Variants in ABCD3 observed in about 807,000 individuals in gnomAD.
ABCD3 encodes ATP binding cassette subfamily D member 3.
A neutral mutation model predicts 105.5 loss-of-function variants in ABCD3; 41 were observed. That is an observed-to-expected ratio of 0.39 (90% CI 0.30 to 0.50). The LOEUF (loss-of-function observed/expected upper bound fraction) is 0.50. Ranked by LOEUF, ABCD3 falls within the 20% of genes least tolerant of loss-of-function variation. The pLI is 0.84. For missense variants in ABCD3, 622 were observed against 806.3 expected, an observed-to-expected ratio of 0.77 and a Z score of 2.77; for synonymous variants, 258 against 269.0, an observed-to-expected ratio of 0.96 and a Z score of 0.40.
At chr1:94,479,873 C>T (rs565629811) in intron 8 of ABCD3, among the ~76,000 whole-genome samples, 46 of 151,998 alleles carry the variant, frequency 3.0e-4, no homozygotes, top group African/African-American at 1.1e-3. Context: ...GATGAGGTCA[C>T]GTACAAAGTT....
chr1:94,390,312 T>C, the ABCD3 span, among the ~76,000 whole-genome samples: 1 of 152,138 alleles, frequency 6.6e-6, no homozygotes, highest in Non-Finnish European at 1.5e-5. Flanking sequence ...TTTATTTATT[T>C]ATTTTTGTGA....
chr1:94,489,985 G>A lies in ABCD3; in HGVS notation c.1322+10G>A. On this transcript the variant is annotated intron_variant, in intron 15 of 22. Coordinates refer to ENST00000370214, the MANE Select transcript of ABCD3 (RefSeq NM_002858.4). ...CAGATAACATTATAAAGTACGTACA[G>A]AAAAAGGTCTTTTAGCACCATAAAT... is the stretch of plus-strand genomic sequence containing the variant. 6.2e-7 allele frequency: 1 copy of A among 1,610,622 alleles called. No individual in the cohort carries two copies. The highest frequency in any genetic ancestry group is 8.5e-7 in the Non-Finnish European group (1 of 1,177,148).
In ABCD3 at chr1:94,431,883, C is replaced by T. The variant is rs528611833; in HGVS notation, c.110+13295C>T. On this transcript the variant is annotated intron_variant, in intron 1 of 22. Transcript: ENST00000370214. ...TTAAGATATTTTCAACTGTAGGACT[C>T]GTGACTTTTTACCCCATCAACAGTG... is the stretch of plus-strand genomic sequence containing the variant. Among the ~76,000 whole-genome samples, 10 of 152,156 alleles carry T rather than the reference C, an allele frequency of 6.6e-5. No individual in the cohort carries two copies. In the East Asian group the frequency reaches 1.2e-3, roughly 18 times the overall value.
the ABCD3 span, among the ~76,000 whole-genome samples, chr1:94,405,924 G>C: frequency 1.3e-5 from 2 of 150,268 alleles, no homozygotes; most frequent in Non-Finnish European, 3.0e-5. Flanking sequence ...CCAAAGTTTA[G>C]AAATTTTTAA....
At chr1:94,385,547 T>C in the ABCD3 span, among the ~76,000 whole-genome samples, 1 of 152,200 alleles carries the variant, frequency 6.6e-6, no homozygotes. Flanking sequence ...ACCCCTGCCA[T>C]CTGTTGCCAT....
At chr1:94,469,198 A>G (rs937176370) in intron 4 of ABCD3, among the ~76,000 whole-genome samples, 3 of 151,974 alleles carry the variant, frequency 2.0e-5, no homozygotes, top group Non-Finnish European at 4.4e-5. Context: ...GTGTTTCCAT[A>G]TTGCATACTT....
At chr1:94,479,186 C>A (rs938990841) in intron 8 of ABCD3, among the ~76,000 whole-genome samples, 1 of 151,988 alleles carries the variant, frequency 6.6e-6, no homozygotes, top group Non-Finnish European at 1.5e-5. Context: ...TCTTTGCTGT[C>A]TTGTGATCCA....
upstream of ABCD3, among the ~76,000 whole-genome samples, chr1:94,418,132 G>A (rs1659092938): frequency 6.6e-6 from 1 of 152,200 alleles, no homozygotes; most frequent in African/African-American, 2.4e-5. Flanking sequence ...GCGAAGAGTG[G>A]GAGGGTAGGG....
the ABCD3 span, among the ~76,000 whole-genome samples, chr1:94,385,806 C>T: frequency 6.6e-6 from 1 of 152,024 alleles, no homozygotes; most frequent in Non-Finnish European, 1.5e-5. Context: ...GACATCAATT[C>T]TCATAAATGG....
rs1397751557 is a variant in ABCD3 at position 94,498,645 on chromosome 1, G to C, written c.1430G>C (p.Cys477Ser). Residue 477 changes from cysteine (C) to serine (S), a missense_variant, in exon 17 of 23, where the codon TGC becomes TCC. By Grantham distance (112) the Cys-to-Ser change is moderately radical. Around this residue, in one of 4 missense-constraint regions of ABCD3, gnomAD observed 285 missense variants for 352.5 expected, o/e 0.81. Transcript: ENST00000370214. ...ANVLICGPNG[C>S]GKSSLFRVLG... is the part of the protein sequence containing the mutation. Reference sequence around the variant, plus strand: ...GTTCTAATTTGTGGTCCAAATGGCTGCGGAAAGAGTTCACTTTTCCGTGTT... The same window carrying C: ...GTTCTAATTTGTGGTCCAAATGGCTCCGGAAAGAGTTCACTTTTCCGTGTT... 1.9e-6 allele frequency: 3 copies of C among 1,612,696 alleles called. No individual in the cohort carries two copies. Among genetic ancestry groups the C allele is most frequent in the Non-Finnish European group, 2.5e-6 (3 of 1,179,832 alleles).
intron 22 of ABCD3, among the ~76,000 whole-genome samples, chr1:94,516,254 G>A (rs1650914604): frequency 6.6e-6 from 1 of 151,870 alleles, no homozygotes; most frequent in Non-Finnish European, 1.5e-5. Flanking sequence ...AGATTACCAT[G>A]AAAATTAGAC....
At position 94,450,576 on chromosome 1, in the gene ABCD3, C is replaced by T. The variant is rs181128776; in HGVS notation, c.111-8031C>T. Among the ~76,000 whole-genome samples, 14 of 152,352 alleles carry T rather than the reference C, an allele frequency of 9.2e-5. No homozygotes were observed. The East Asian group carries it at 2.3e-3, about 25-fold the overall frequency. On this transcript the variant is annotated intron_variant, in intron 1 of 22. Coordinates refer to ENST00000370214, the MANE Select transcript of ABCD3 (RefSeq NM_002858.4). ...TAGCCAGACCCATCCCTTTATTTCC[C>T]GTAAGAAATGCTTTTAGTTAATCTA...
At chr1:94,430,016 A>G (rs1481262613) in intron 1 of ABCD3, among the ~76,000 whole-genome samples, 1 of 152,242 alleles carries the variant, frequency 6.6e-6, no homozygotes, top group Non-Finnish European at 1.5e-5. Flanking sequence ...AGAGCTGCCC[A>G]AGACCATGGG....
intron 1 of ABCD3, among the ~76,000 whole-genome samples, chr1:94,434,714 C>T (rs1659834094): frequency 6.6e-6 from 1 of 152,190 alleles, no homozygotes; most frequent in Admixed American, 6.5e-5. Flanking sequence ...ATACCACAGA[C>T]AGAAAACTGC....
the ABCD3 span, among the ~76,000 whole-genome samples, chr1:94,394,829 A>C: frequency 6.6e-6 from 1 of 152,220 alleles, no homozygotes; most frequent in African/African-American, 2.4e-5. Context: ...GGAGAGTGTT[A>C]GACTGAACAT....
intron 1 of ABCD3, among the ~76,000 whole-genome samples, chr1:94,431,938 G>A (rs1480723971): frequency 6.6e-6 from 1 of 152,126 alleles, no homozygotes; most frequent in African/African-American, 2.4e-5. Context: ...TAAAGAGGTG[G>A]GGTGGAGGAA....
chr1:94,461,900 G>A (rs1046104843), intron 2 of ABCD3, among the ~76,000 whole-genome samples: 2 of 152,046 alleles, frequency 1.3e-5, no homozygotes, highest in Non-Finnish European at 2.9e-5. Context: ...CATAATAGTT[G>A]TACCAGTTTT....
the ABCD3 span, among the ~76,000 whole-genome samples, chr1:94,409,295 T>C: frequency 6.6e-6 from 1 of 152,246 alleles, no homozygotes; most frequent in Non-Finnish European, 1.5e-5. Context: ...GTGATTATTA[T>C]GCATTACATG....
chr1:94,458,733 A>G, intron 2 of ABCD3, 90 bp downstream of exon 2: 1 of 1,322,944 alleles, frequency 7.6e-7, no homozygotes, highest in Admixed American at 1.8e-5. Flanking sequence ...TAAATTTTAT[A>G]ATTAGTAGGG....
Sources: allele counts gnomAD v4.1 joint callset (sites outside exome capture counted in the v4.1 genomes callset), GRCh38; gene constraint gnomAD v4.1.1; regional missense constraint gnomAD v4.1.1; transcripts MANE v1.5; gene names NCBI Gene and HGNC (gene_info 2026-07-23, HGNC 2026-07-21).